NUBPL: variants seen among roughly 807,000 people sequenced by gnomAD.
The protein encoded by NUBPL is iron-sulfur cluster transfer protein NUBPL.
NUBPL carries 31 observed loss-of-function variants against 45.7 expected under a neutral mutation model. The ratio of observed to expected loss-of-function variants is 0.68; its 90% confidence interval spans 0.51 to 0.92. The LOEUF is 0.92. NUBPL is among the 40% of genes least tolerant of loss of function. The pLI is 0.00. For synonymous variants in NUBPL, 144 were observed against 140.9 expected, an observed-to-expected ratio of 1.02 and a Z score of -0.15; for missense variants, 401 against 398.7, an observed-to-expected ratio of 1.01 and a Z score of -0.05.
At chr14:31,807,644 A>G (rs2039716149) in intron 7 of NUBPL, among the ~76,000 whole-genome samples, 1 of 151,772 alleles carries the variant, frequency 6.6e-6, no homozygotes, top group Admixed American at 6.6e-5. Context: ...CCATTTGTCA[A>G]TTTTTCCTTT....
intron 6 of NUBPL, among the ~76,000 whole-genome samples, chr14:31,780,778 T>G (rs1371245630): frequency 6.6e-6 from 1 of 152,232 alleles, no homozygotes; most frequent in African/African-American, 2.4e-5. Flanking sequence ...GATGAGAGTT[T>G]GTAACTAACA....
chr14:31,581,934 A>G (rs1268994199), intron 3 of NUBPL, among the ~76,000 whole-genome samples: 2 of 152,228 alleles, frequency 1.3e-5, no homozygotes, highest in Non-Finnish European at 2.9e-5. Context: ...AAATTGCTAA[A>G]TTTATAAAAT....
At chr14:31,833,620 A>G (rs1566589050) in intron 8 of NUBPL, among the ~76,000 whole-genome samples, 4 of 152,240 alleles carry the variant, frequency 2.6e-5, no homozygotes, top group Admixed American at 6.5e-5. Flanking sequence ...CTCATGTAAC[A>G]GTACCATTAC....
chr14:31,847,216 G>A (rs540074749), intron 9 of NUBPL, among the ~76,000 whole-genome samples: 1 of 152,190 alleles, frequency 6.6e-6, no homozygotes, highest in East Asian at 1.9e-4. Context: ...TGCTAAGTTG[G>A]GTGTACATCT....
chr14:31,622,224 T>A (rs1170816863), intron 4 of NUBPL, among the ~76,000 whole-genome samples: 1 of 152,188 alleles, frequency 6.6e-6, no homozygotes, highest in Non-Finnish European at 1.5e-5. Context: ...GCATTCAAGA[T>A]GTGACCTGGC....
chr14:31,768,630 G>T (rs2038955334), intron 6 of NUBPL, among the ~76,000 whole-genome samples: 1 of 152,188 alleles, frequency 6.6e-6, no homozygotes, highest in South Asian at 2.1e-4. Flanking sequence ...TCTCTGCAGA[G>T]CTCTTTACCT....
rs532357992 is a variant in NUBPL at position 31,816,628 on chromosome 14, T to C, written c.608-10001T>C. On this transcript the variant is annotated intron_variant, in intron 7 of 10. Transcript: ENST00000281081. ...TTCTTTTAATTGTGATGTTAGGGTG[T>C]CGATTTTAGATCTTTCCTGCTTTCT... Among the ~76,000 whole-genome samples the C allele has an allele frequency of 3.9e-5, 6 of 152,298 alleles. No individual in the cohort carries two copies. The South Asian group carries it at 1.2e-3, about 32-fold the overall frequency.
chr14:31,812,384 C>T (rs1156568360), intron 7 of NUBPL, among the ~76,000 whole-genome samples: 2 of 152,194 alleles, frequency 1.3e-5, no homozygotes, highest in Non-Finnish European at 2.9e-5. Flanking sequence ...TGCCTCCTTG[C>T]AGTTGGATCT....
At chr14:31,765,765 T>C (rs185521485) in intron 6 of NUBPL, among the ~76,000 whole-genome samples, 2 of 152,330 alleles carry the variant, frequency 1.3e-5, no homozygotes, top group Non-Finnish European at 2.9e-5. Flanking sequence ...GCTATCTTTG[T>C]TTACCAAAGA....
intron 6 of NUBPL, among the ~76,000 whole-genome samples, chr14:31,705,769 G>A (rs1258604378): frequency 6.6e-6 from 1 of 152,148 alleles, no homozygotes. Context: ...AAGCCCAGAC[G>A]GCTTCACCTC....
chr14:31,773,244 G>T (rs750647866), intron 6 of NUBPL, among the ~76,000 whole-genome samples: 1 of 152,116 alleles, frequency 6.6e-6, no homozygotes, highest in Non-Finnish European at 1.5e-5. Flanking sequence ...ACATGCCTCA[G>T]ATGTAAAGAA....
chr14:31,578,642 A>T (rs2033781400), intron 3 of NUBPL, among the ~76,000 whole-genome samples: 1 of 152,208 alleles, frequency 6.6e-6, no homozygotes, highest in African/African-American at 2.4e-5. Context: ...TCATCTCTCA[A>T]ATGCTTTGCC....
chr14:31,565,256 A>G (rs1404361823), intron 3 of NUBPL, among the ~76,000 whole-genome samples: 1 of 152,142 alleles, frequency 6.6e-6, no homozygotes, highest in Non-Finnish European at 1.5e-5. Context: ...ATTGTTTGCT[A>G]TATATCCCAC....
chr14:31,842,615 C>G (rs2040394329), intron 8 of NUBPL, among the ~76,000 whole-genome samples: 1 of 152,062 alleles, frequency 6.6e-6, no homozygotes, highest in East Asian at 1.9e-4. Context: ...GTGGCTAGGA[C>G]CACAGGTGTG....
chr14:31,571,402 G>T (rs2033578733), intron 3 of NUBPL, among the ~76,000 whole-genome samples: 3 of 150,516 alleles, frequency 2.0e-5, no homozygotes, highest in Middle Eastern at 3.6e-3. Context: ...GCCTTGCTCA[G>T]AAGGGCAGCT....
At chr14:31,667,018 T>C (rs530594081) in intron 4 of NUBPL, among the ~76,000 whole-genome samples, 10 of 152,252 alleles carry the variant, frequency 6.6e-5, no homozygotes, top group Admixed American at 4.6e-4. Flanking sequence ...GTGAATCTGA[T>C]GATTATGTGT....
Position 31,673,403 on chromosome 14 carries a change from A to G in NUBPL, c.422+9A>G, listed in dbSNP as rs752671452. 5 of 1,607,410 alleles carry G rather than the reference A, an allele frequency of 3.1e-6. No homozygotes were observed. The highest frequency in any genetic ancestry group is 4.3e-6 in the Non-Finnish European group (5 of 1,175,334). On this transcript the variant is annotated intron_variant, in intron 5 of 10. Transcript: ENST00000281081. Reference sequence around the variant, plus strand: ...AATTATGGTATTGCTTGGTGAGCATATATATATTTTTAATGTTACTTTTCA... The same window carrying G: ...AATTATGGTATTGCTTGGTGAGCATGTATATATTTTTAATGTTACTTTTCA...
chr14:31,731,023 C>T (rs1488934558), intron 6 of NUBPL, among the ~76,000 whole-genome samples: 1 of 151,992 alleles, frequency 6.6e-6, no homozygotes, highest in East Asian at 1.9e-4. Flanking sequence ...AATTGTTAGA[C>T]ATAGACTATA....
intron 10 of NUBPL, among the ~76,000 whole-genome samples, chr14:31,856,896 A>T (rs904408497): frequency 7.2e-5 from 11 of 152,130 alleles, no homozygotes; most frequent in Admixed American, 2.6e-4. Context: ...TTTTTCAGGC[A>T]CACTGTACAA....
Sources: allele counts gnomAD v4.1 joint callset (sites outside exome capture counted in the v4.1 genomes callset), GRCh38; gene constraint gnomAD v4.1.1; transcripts MANE v1.5; gene names NCBI Gene and HGNC (gene_info 2026-07-23, HGNC 2026-07-21).